The following CEP97 variants were observed in gnomAD, a reference collection of about 807,000 sequenced individuals.
CEP97 encodes centrosomal protein of 97 kDa.
Under a neutral mutation model 73.1 loss-of-function variants are expected in CEP97, and 43 were observed. The ratio of observed to expected loss-of-function variants is 0.59; its 90% CI spans 0.46 to 0.76. The LOEUF (loss-of-function observed/expected upper bound fraction) is 0.76. CEP97 is among the 30% of genes least tolerant of loss of function. The pLI is 0.00. For missense variants in CEP97, 939 were observed against 1,014.0 expected (o/e 0.93, Z 1.00); for synonymous variants, 337 against 370.0 (o/e 0.91, Z 1.02).
chr3:101,757,833 A>T lies in CEP97; in HGVS notation c.1227A>T (p.Ala409=), dbSNP rs761117689. The T allele has an allele frequency of 6.2e-7, 1 of 1,614,272 alleles. No homozygotes were observed. Among genetic ancestry groups the T allele is most frequent in the African/African-American group, 1.3e-5 (1 of 75,074 alleles). Residue 409 remains alanine, a synonymous_variant, in exon 9 of 11, where the codon GCA becomes GCT. Transcript: ENST00000341893. ...LSSESTFMPV[A]SGLSPLSPTV... ...CAGAGTCTACTTTTATGCCAGTTGC[A>T]TCAGGACTGTCTCCACTATCACCTA...
At chr3:101,735,596 C>T (rs1259294076) in intron 6 of CEP97, among the ~76,000 whole-genome samples, 2 of 152,160 alleles carry the variant, frequency 1.3e-5, no homozygotes, top group Non-Finnish European at 2.9e-5. Flanking sequence ...TGCAAGGGGT[C>T]AGGGAACTCC....
At chr3:101,735,674 A>C (rs541857216) in intron 6 of CEP97, among the ~76,000 whole-genome samples, 40 of 152,240 alleles carry the variant, frequency 2.6e-4, no homozygotes, top group African/African-American at 9.1e-4. Context: ...CCCAGAAACT[A>C]CGCTTTTCCC....
chr3:101,757,596 A>T lies in CEP97; in HGVS notation c.1028-38A>T. ...AAAGGGACATAACTAAAATGTAAAC[A>T]TTTAGTGGTTTAAATGATACTCTGT... On this transcript the variant is annotated intron_variant, in intron 8 of 10. Coordinates refer to ENST00000341893, the MANE Select transcript of CEP97 (RefSeq NM_024548.4). 2.6e-6 allele frequency: 4 copies of T among 1,554,296 alleles called. No individual in the cohort carries two copies. The South Asian group carries it at 4.7e-5, about 18-fold the overall frequency.
At chr3:101,736,313 G>A (rs1259720500) in intron 6 of CEP97, among the ~76,000 whole-genome samples, 1 of 152,208 alleles carries the variant, frequency 6.6e-6, no homozygotes, top group Non-Finnish European at 1.5e-5. Context: ...CTCTGTAAGA[G>A]AGCGATGGAT....
At chr3:101,728,793 G>T (rs545916961) in intron 3 of CEP97, 43 bp from the exon 4 acceptor site, 8 of 1,243,942 alleles carry the variant, frequency 6.4e-6, no homozygotes, top group South Asian at 2.5e-5. Flanking sequence ...TTTATTTTTT[G>T]ATTTTGTTTT....
intron 6 of CEP97, among the ~76,000 whole-genome samples, chr3:101,752,252 G>T (rs1938852319): frequency 6.6e-6 from 1 of 152,146 alleles, no homozygotes; most frequent in South Asian, 2.1e-4. Context: ...TAGAGTTTCT[G>T]CCGAGAGATC....
intron 6 of CEP97, among the ~76,000 whole-genome samples, chr3:101,745,626 T>C (rs1938589653): frequency 6.6e-6 from 1 of 152,008 alleles, no homozygotes; most frequent in Non-Finnish European, 1.5e-5. Flanking sequence ...AATAACATAA[T>C]GAACATCTAT....
chr3:101,755,869 C>T (rs376049480), intron 7 of CEP97, among the ~76,000 whole-genome samples: 3 of 152,086 alleles, frequency 2.0e-5, no homozygotes, highest in East Asian at 1.9e-4. Context: ...TAGGTCACTG[C>T]AGTTGCAACT....
chr3:101,748,339 C>T (rs549288675), intron 6 of CEP97, among the ~76,000 whole-genome samples: 2 of 151,402 alleles, frequency 1.3e-5, no homozygotes, highest in South Asian at 2.1e-4. Context: ...TAGCAGTTGA[C>T]GATCTACAGT....
At chr3:101,727,307 A>G (rs901766953) in intron 2 of CEP97, 76 bp from the exon 3 acceptor site, 1 of 1,261,060 alleles carries the variant, frequency 7.9e-7, no homozygotes, top group Non-Finnish European at 1.1e-6. Flanking sequence ...GTCTAAATAA[A>G]CCTTTTAAAT....
At chr3:101,734,078 G>A (rs901702155) in intron 6 of CEP97, among the ~76,000 whole-genome samples, 2 of 152,146 alleles carry the variant, frequency 1.3e-5, no homozygotes, top group African/African-American at 2.4e-5. Context: ...CGCCCGCCTC[G>A]GCCTCCCAAA....
At chr3:101,744,583 C>CA (rs530099390) in intron 6 of CEP97, among the ~76,000 whole-genome samples, 2,759 of 79,610 alleles carry the variant, frequency 0.035, 166 homozygotes, top group East Asian at 0.32. Context: ...AACTCTGTCT[C>CA]AAAAAAAAAA....
At chr3:101,747,190 A>G (rs572795641) in intron 6 of CEP97, among the ~76,000 whole-genome samples, 1 of 152,148 alleles carries the variant, frequency 6.6e-6, no homozygotes, top group South Asian at 2.1e-4. Flanking sequence ...TATATACCCA[A>G]AGGACTATAA....
chr3:101,737,123 G>A (rs1180997630), intron 6 of CEP97, among the ~76,000 whole-genome samples: 1 of 152,124 alleles, frequency 6.6e-6, no homozygotes, highest in Non-Finnish European at 1.5e-5. Context: ...GAAATAAACT[G>A]TGAAGACAAG....
chr3:101,748,745 A>G (rs369745667), intron 6 of CEP97, among the ~76,000 whole-genome samples: 3 of 152,118 alleles, frequency 2.0e-5, no homozygotes, highest in South Asian at 2.1e-4. Context: ...GGTTCATACC[A>G]TTCTCCTGCC....
rs769175929 is a variant in CEP97, at chr3:101,724,650, G to A, written c.-27G>A. On this transcript the variant is annotated 5_prime_UTR_variant, in exon 1 of 11. Transcript: ENST00000341893. ...TCCACAGAGCCGCGGGAGGACGGTT[G>A]CCTGGTATTATTAGCAAGCAGCAAA... 7 of 1,614,102 alleles carry A rather than the reference G, an allele frequency of 4.3e-6. No homozygotes were observed. The highest frequency in any genetic ancestry group is 5.9e-6 in the Non-Finnish European group (7 of 1,179,966).
intron 1 of CEP97, among the ~76,000 whole-genome samples, chr3:101,725,663 A>T (rs531773437): frequency 6.6e-6 from 1 of 152,318 alleles, no homozygotes; most frequent in African/African-American, 2.4e-5. Flanking sequence ...GAAATCCTCC[A>T]GGAGAGCAAT....
At chr3:101,755,309 AT>A in intron 6 of CEP97, 120 bp from the exon 7 acceptor site, 2 of 829,142 alleles carry the variant, frequency 2.4e-6, no homozygotes, top group East Asian at 5.0e-5. Context: ...AGTGAATTTT[AT>A]TTATGAAAAA....
At chr3:101,732,414 A>G (rs2107135868) in intron 5 of CEP97, 74 bp from the exon 6 acceptor site, 1 of 985,304 alleles carries the variant, frequency 1.0e-6, no homozygotes, top group South Asian at 1.6e-5. Flanking sequence ...GCTGCCAAAG[A>G]TATGTAATCA....
Sources: gnomAD v4.1 joint callset for allele counts (sites outside exome capture counted in the v4.1 genomes callset) on GRCh38, gnomAD v4.1.1 for gene constraint, MANE v1.5 for transcripts, NCBI Gene and HGNC (gene_info 2026-07-23, HGNC 2026-07-21) for gene names.